The following NRAP variants were observed in gnomAD, a reference collection of about 807,000 sequenced individuals.
NRAP encodes the protein nebulin related anchoring protein.
A neutral mutation model predicts 225.9 loss-of-function variants in NRAP; 189 were observed. The observed-to-expected ratio is 0.84, with a 90% CI of 0.74 to 0.94. The LOEUF is 0.94. NRAP is among the 40% of genes least tolerant of loss of function. The probability of loss-of-function intolerance (pLI) is 0.00; values close to 1 mark genes in which losing one functional copy is unlikely to be tolerated. For missense variants in NRAP, 2,176 were observed against 2,168.7 expected, an observed-to-expected ratio of 1.00 and a Z score of -0.07; for synonymous variants, 769 against 790.7, an observed-to-expected ratio of 0.97 and a Z score of 0.46.
chr10:113,629,497 G>T, intron 19 of NRAP, 91 bp downstream of exon 19: 1 of 895,616 alleles, frequency 1.1e-6, no homozygotes, highest in Non-Finnish European at 1.8e-6. Flanking sequence ...TCCAAGTTAT[G>T]TAATAGACTC....
At chr10:113,629,370 A>T (rs141111362) in intron 19 of NRAP, among the ~76,000 whole-genome samples, 2,391 of 152,236 alleles carry the variant, frequency 0.016, 25 homozygotes, top group Non-Finnish European at 0.022. Context: ...TCACCAACAC[A>T]TCTTGACTTT....
intron 16 of NRAP, 57 bp from the exon 17 acceptor site, chr10:113,632,021 C>A (rs1282923809): frequency 1.8e-6 from 2 of 1,123,316 alleles, no homozygotes; most frequent in Non-Finnish European, 2.7e-6. Context: ...TGCCAAACGT[C>A]AAAGATTTTT....
intron 3 of NRAP, among the ~76,000 whole-genome samples, chr10:113,658,038 T>C (rs528331756): frequency 6.6e-6 from 1 of 152,358 alleles, no homozygotes; most frequent in East Asian, 1.9e-4. Flanking sequence ...TTTTTACATA[T>C]AGATAAGGGT....
At position 113,604,809 on chromosome 10, in the gene NRAP, C is replaced by T. The variant is rs141793697; in HGVS notation, c.4027G>A (p.Glu1343Lys). 3.8e-5 allele frequency: 62 copies of T among 1,614,058 alleles called. No homozygotes were observed. Among genetic ancestry groups the T allele is most frequent in the Admixed American group, 2.0e-4 (12 of 60,012 alleles). The stretch of plus-strand genomic sequence containing the variant: ...GTCGCCCCCCTCCTGTACTGAAGCT[C>T]GCTCTGCAGCTGGCCCATGCGCCGG... ...HCRRMGQLQSELQYRRGATSS... is the reference protein window; with the variant it reads ...HCRRMGQLQSKLQYRRGATSS... Residue 1343 changes from glutamate to lysine, a missense_variant, in exon 35 of 42, where the codon GAG becomes AAG. Glu to Lys is a moderately conservative substitution (Grantham distance 56). Coordinates refer to ENST00000359988, the MANE Select transcript of NRAP (RefSeq NM_198060.4).
chr10:113,605,449 G>A (rs959193518), intron 34 of NRAP, among the ~76,000 whole-genome samples: 3 of 152,190 alleles, frequency 2.0e-5, no homozygotes, highest in African/African-American at 4.8e-5. Flanking sequence ...GAGAGTTCTC[G>A]TTCTAAATCT....
At chr10:113,657,694 T>C (rs1217949850) in intron 3 of NRAP, 120 bp from the exon 4 acceptor site, 13 of 683,558 alleles carry the variant, frequency 1.9e-5, no homozygotes, top group Admixed American at 4.6e-5. Context: ...GCATCTTCAC[T>C]GTGCTGCAAG....
chr10:113,647,129 C>A, intron 9 of NRAP, 102 bp from the exon 10 acceptor site: 1 of 775,314 alleles, frequency 1.3e-6, no homozygotes, highest in Non-Finnish European at 2.3e-6. Flanking sequence ...AGAGGTTCAT[C>A]CACCTTGGGT....
rs752564116 is a variant in NRAP at position 113,631,556 on chromosome 10, C to T, written c.1795G>A (p.Asp599Asn). The T allele has an allele frequency of 1.2e-5, 20 of 1,613,282 alleles. No individual in the cohort carries two copies. Among genetic ancestry groups the T allele is most frequent in the South Asian group, 8.8e-5 (8 of 90,996 alleles). The change falls in exon 18 of 42, where the codon GAC (aspartate) becomes AAC (asparagine). Residue 599 changes from aspartate to asparagine, a missense_variant. Asp to Asn is a conservative substitution (Grantham distance 23, BLOSUM62 1). Around this residue, in one of 3 missense-constraint regions of NRAP, gnomAD observed 1,708 missense variants for 1,695.5 expected, o/e 1.01. Coordinates refer to ENST00000359988, the MANE Select transcript of NRAP (RefSeq NM_198060.4). ...KTKGKAMGTADSRLLHSLQIA... is the reference protein window; with the variant it reads ...KTKGKAMGTANSRLLHSLQIA... ...TGCAGGGAGTGCAGAAGCCTAGAGT[C>T]GGCTGTTCCCATGGCTTTGCCTTTT...
At chr10:113,636,750 T>A (rs1364182204) in intron 14 of NRAP, among the ~76,000 whole-genome samples, 1 of 152,240 alleles carries the variant, frequency 6.6e-6, no homozygotes, top group Non-Finnish European at 1.5e-5. Context: ...GGCTCATGCC[T>A]GTAATCCCAG....
chr10:113,603,973 T>C (rs1846767852), intron 35 of NRAP, among the ~76,000 whole-genome samples: 1 of 152,242 alleles, frequency 6.6e-6, no homozygotes, highest in Non-Finnish European at 1.5e-5. Context: ...ACCATTGACA[T>C]ATTACATATT....
intron 14 of NRAP, among the ~76,000 whole-genome samples, chr10:113,638,292 C>T (rs958198680): frequency 6.6e-6 from 1 of 152,112 alleles, no homozygotes. Flanking sequence ...TTTGCAACAC[C>T]ACAAATGCTT....
intron 13 of NRAP, among the ~76,000 whole-genome samples, chr10:113,640,933 AG>A (rs5788037): frequency 0.55 from 84,189 of 151,968 alleles, 24,569 homozygotes; most frequent in East Asian, 0.73. Context: ...AGGCCACAGT[AG>A]GTTTTCAATG....
rs11196392 is a variant in NRAP at position 113,605,505 on chromosome 10, C to T, written c.3915+257G>A. 1.1e-4 allele frequency among the ~76,000 whole-genome samples: 16 copies of T among 152,362 alleles called. No individual in the cohort carries two copies. In the East Asian group the frequency reaches 1.3e-3, roughly 13 times the overall value. ...CAGTCATGCATTACAAGGGGACCGTCGCCTAGACGTTGCAATTAGAAATAA... is the reference window on the plus strand; with the variant it reads ...CAGTCATGCATTACAAGGGGACCGTTGCCTAGACGTTGCAATTAGAAATAA... On this transcript the variant is annotated intron_variant, in intron 34 of 41. Transcript: ENST00000359988.
intron 17 of NRAP, 82 bp downstream of exon 17, chr10:113,631,775 T>C (rs1263117588): frequency 1.0e-6 from 1 of 952,704 alleles, no homozygotes; most frequent in African/African-American, 1.6e-5. Context: ...ATGTTAAGAG[T>C]CATTATTTTT....
rs750946480 is a variant in NRAP, at chr10:113,662,778, A to G, written c.168-12T>C. ...TCTTAGGGTTATGGCTACAACAAAT[A>G]GGTATAAATCAAAATTAGAAATGTA... On this transcript the variant is annotated splice_polypyrimidine_tract_variant and intron_variant, in intron 2 of 41. Coordinates refer to ENST00000359988, the MANE Select transcript of NRAP (RefSeq NM_198060.4). 2.1e-6 allele frequency: 3 copies of G among 1,419,216 alleles called. No homozygotes were observed. The East Asian group carries it at 6.9e-5, about 33-fold the overall frequency. 87.9% of individuals were successfully genotyped at this position (1,419,216 alleles called of 1,614,324 possible).
intron 6 of NRAP, among the ~76,000 whole-genome samples, chr10:113,652,566 C>T (rs1850043467): frequency 6.6e-6 from 1 of 150,578 alleles, no homozygotes; most frequent in Non-Finnish European, 1.5e-5. Flanking sequence ...ATCACTTGAA[C>T]CCAGGAGGCA....
At chr10:113,622,636 A>AC (rs1848064406) in intron 23 of NRAP, among the ~76,000 whole-genome samples, 1 of 152,196 alleles carries the variant, frequency 6.6e-6, no homozygotes, top group Admixed American at 6.5e-5. Flanking sequence ...GTCAGAAGGC[A>AC]CCAGTGTGGG....
At chr10:113,651,250 C>T (rs766411569) in intron 7 of NRAP, among the ~76,000 whole-genome samples, 11 of 152,194 alleles carry the variant, frequency 7.2e-5, no homozygotes, top group Non-Finnish European at 1.5e-4. Flanking sequence ...TTCTCCCTCC[C>T]TCCACCTCCA....
At chr10:113,645,617 A>C (rs1188843822) in intron 11 of NRAP, among the ~76,000 whole-genome samples, 1 of 152,106 alleles carries the variant, frequency 6.6e-6, no homozygotes, top group East Asian at 1.9e-4. Context: ...GGGTTTCTCC[A>C]TGTTAGTCAG....
Sources: allele counts gnomAD v4.1 joint callset (sites outside exome capture counted in the v4.1 genomes callset), GRCh38; gene constraint gnomAD v4.1.1; regional missense constraint gnomAD v4.1.1; transcripts MANE v1.5; gene names NCBI Gene and HGNC (gene_info 2026-07-23, HGNC 2026-07-21).